SENP2: variants seen among roughly 807,000 people sequenced by gnomAD.
The protein encoded by SENP2 is SUMO specific peptidase 2.
Under a neutral mutation model 86.3 loss-of-function variants are expected in SENP2, and 16 were observed. The observed-to-expected ratio is 0.19, with a 90% CI of 0.13 to 0.28. The LOEUF (loss-of-function observed/expected upper bound fraction) is 0.28, where lower values mean the gene tolerates loss of function less well. Ranked by LOEUF, SENP2 falls within the 10% of genes least tolerant of loss-of-function variation. SENP2 has a pLI of 1.00. For synonymous variants in SENP2, 222 were observed against 238.7 expected (o/e 0.93, Z 0.64); for missense variants, 552 against 703.0 (o/e 0.79, Z 2.43).
chr3:185,616,719 A>C (rs761935782), intron 11 of SENP2, among the ~76,000 whole-genome samples: 5 of 151,130 alleles, frequency 3.3e-5, no homozygotes, highest in Middle Eastern at 6.9e-3. Flanking sequence ...AGCTTGCAGT[A>C]AGCCGAGATG....
intron 6 of SENP2, chr3:185,606,805 G>A (rs569176672): frequency 2.1e-5 from 11 of 521,372 alleles, no homozygotes; most frequent in South Asian, 6.3e-5. Flanking sequence ...GATCAAGCAT[G>A]TTGCTTATCG....
intron 13 of SENP2, among the ~76,000 whole-genome samples, chr3:185,621,386 CT>C (rs1220771289): frequency 0.018 from 1,425 of 78,782 alleles, 5 homozygotes; most frequent in African/African-American, 0.061. Flanking sequence ...TCTTTTTTTT[CT>C]TTTTTTTTTT....
chr3:185,625,685 A>G (rs1712112903), intron 15 of SENP2, among the ~76,000 whole-genome samples: 1 of 152,180 alleles, frequency 6.6e-6, no homozygotes, highest in African/African-American at 2.4e-5. Flanking sequence ...GCAAGATCCT[A>G]ATTGGTTAAA....
intron 7 of SENP2, among the ~76,000 whole-genome samples, chr3:185,610,441 C>T (rs1016080615): frequency 4.0e-5 from 6 of 151,346 alleles, no homozygotes; most frequent in East Asian, 2.0e-4. Flanking sequence ...GGATTACAGG[C>T]GTGAGCCACC....
chr3:185,629,676 G>A, intron 16 of SENP2, 106 bp from the exon 17 acceptor site: 3 of 1,100,072 alleles, frequency 2.7e-6, no homozygotes, highest in Non-Finnish European at 4.2e-6. Context: ...TCAACACTTA[G>A]AAAAAGCACA....
intron 7 of SENP2, among the ~76,000 whole-genome samples, chr3:185,610,004 G>C (rs1027431649): frequency 6.6e-6 from 1 of 152,120 alleles, no homozygotes; most frequent in Non-Finnish European, 1.5e-5. Context: ...ATTTGGCCTT[G>C]TATTTGCCTG....
At chr3:185,589,644 T>C (rs1057255757) in intron 1 of SENP2, among the ~76,000 whole-genome samples, 1 of 152,162 alleles carries the variant, frequency 6.6e-6, no homozygotes, top group African/African-American at 2.4e-5. Context: ...TAGAATAGCA[T>C]TCTCTCTTTT....
rs547342638 is a variant in SENP2 at position 185,632,755 on chromosome 3, C to G, written c.*2911C>G. ...GTCAGGCTGGTCTTAAACTCCCGAC[C>G]TCAAGTGATCTGCCCGCCTCGGCCT... On this transcript the variant is annotated 3_prime_UTR_variant, in exon 17 of 17. Coordinates refer to ENST00000296257, the MANE Select transcript of SENP2 (RefSeq NM_021627.3). 2 of 152,464 alleles carry G rather than the reference C, an allele frequency of 1.3e-5. No individual in the cohort carries two copies. Among genetic ancestry groups the G allele is most frequent in the African/African-American group, 4.8e-5 (2 of 41,524 alleles). 9.4% of individuals were successfully genotyped at this position (152,464 alleles called of 1,614,324 possible). A position where few individuals can be genotyped will look rare whatever the true frequency, so the allele number is the denominator to read the frequency against.
At chr3:185,623,749 C>T (rs1223732828) in intron 14 of SENP2, among the ~76,000 whole-genome samples, 2 of 143,138 alleles carry the variant, frequency 1.4e-5, no homozygotes, top group African/African-American at 2.6e-5. Flanking sequence ...ATGGCGTGAA[C>T]CCGGGAGGCA....
chr3:185,594,882 G>A (rs1047789919), intron 2 of SENP2, among the ~76,000 whole-genome samples: 1 of 152,118 alleles, frequency 6.6e-6, no homozygotes, highest in Admixed American at 6.5e-5. Flanking sequence ...GCCTCCCAAA[G>A]TGCAGCTAAT....
chr3:185,589,975 T>TC (rs1340545987), intron 1 of SENP2, 139 bp from the exon 2 acceptor site: 1 of 443,696 alleles, frequency 2.3e-6, no homozygotes, highest in African/African-American at 2.1e-5. Flanking sequence ...ACCAGCATTC[T>TC]CTTTTAAAAC....
rs1425396946 is a variant in SENP2, at chr3:185,629,785, C to G, written c.1711C>G (p.Gln571Glu). The G allele has an allele frequency of 1.2e-6, 2 of 1,613,998 alleles. No individual in the cohort carries two copies. Among genetic ancestry groups the G allele is most frequent in the African/African-American group, 2.7e-5 (2 of 74,902 alleles). Residue 571 changes from glutamine to glutamate, a missense_variant, in exon 17 of 17, where the codon CAG (glutamine) becomes GAG (glutamate). Physicochemically the swap from Gln to Glu is conservative, Grantham distance 29. Transcript: ENST00000296257. The part of the protein sequence containing the change: ...RDKPITFTQH[Q>E]MPLFRKKMVW... ...TTGTTTATGGGGTTCTTTGCAGCACCAGATGCCTCTCTTCCGGAAGAAGAT... is the reference window on the plus strand; with the variant it reads ...TTGTTTATGGGGTTCTTTGCAGCACGAGATGCCTCTCTTCCGGAAGAAGAT...
At position 185,614,573 on chromosome 3, in the gene SENP2, T is replaced by C. The variant is rs1485598388; in HGVS notation, c.943T>C (p.Tyr315His). Residue 315 changes from tyrosine (Y) to histidine (H), a missense_variant, in exon 11 of 17, where the codon TAC becomes CAC. Tyr to His is a moderately conservative substitution (Grantham distance 83). Transcript: ENST00000296257. ...IRFENESRRGYQLEPDLSEEV... is the reference protein window; with the variant it reads ...IRFENESRRGHQLEPDLSEEV... Reference sequence around the variant, plus strand: ...ATAATTTTTTGATCAGAGGAGGGGATACCAACTGGAGCCTGACCTATCAGA... The same window carrying C: ...ATAATTTTTTGATCAGAGGAGGGGACACCAACTGGAGCCTGACCTATCAGA... 1 of 1,611,422 alleles carries C rather than the reference T, an allele frequency of 6.2e-7. No individual in the cohort carries two copies.
At chr3:185,606,947 G>A (rs1411557475) in intron 6 of SENP2, 5 of 306,596 alleles carry the variant, frequency 1.6e-5, no homozygotes, top group Non-Finnish European at 3.2e-5. Flanking sequence ...ATTTTTGGGA[G>A]CAAATAATAT....
In SENP2 at chr3:185,630,240, T is replaced by C. The variant is rs775085841; in HGVS notation, c.*396T>C. ...AACATAATGGGCAGTGGTCATTTAC[T>C]GCTGCTCTTTTACAGTTAGCTCTAA... On this transcript the variant is annotated 3_prime_UTR_variant, in exon 17 of 17. Transcript: ENST00000296257. 5.8e-6 allele frequency: 1 copy of C among 172,640 alleles called. No homozygotes were observed. The highest frequency in any genetic ancestry group is 1.3e-5 in the Non-Finnish European group (1 of 78,758). The allele number at this position is 172,640 out of a possible 1,614,324, so 10.7% of individuals were successfully genotyped here. A position where few individuals can be genotyped will look rare whatever the true frequency, so the allele number is the denominator to read the frequency against.
intron 12 of SENP2, 91 bp from the exon 13 acceptor site, chr3:185,619,208 T>G (rs1711748582): frequency 1.1e-6 from 1 of 951,358 alleles, no homozygotes; most frequent in African/African-American, 1.6e-5. Flanking sequence ...CTTTAGTACC[T>G]TACCTTCGAA....
intron 2 of SENP2, among the ~76,000 whole-genome samples, chr3:185,593,146 TAGGA>T (rs916661009): frequency 1.2e-4 from 18 of 152,004 alleles, no homozygotes; most frequent in African/African-American, 4.1e-4. Flanking sequence ...AGGAGAGCAA[TAGGA>T]AGGAAAAATA....
intron 7 of SENP2, among the ~76,000 whole-genome samples, chr3:185,610,470 A>G (rs974475918): frequency 4.6e-5 from 7 of 152,076 alleles, no homozygotes; most frequent in African/African-American, 1.7e-4. Context: ...CCTACTATCT[A>G]GCTTTTGAAT....
At chr3:185,621,386 C>CTTTTTTTTTTTTTT (rs1220771289) in intron 13 of SENP2, among the ~76,000 whole-genome samples, 19 of 78,768 alleles carry the variant, frequency 2.4e-4, no homozygotes, top group Non-Finnish European at 3.2e-4. Flanking sequence ...TCTTTTTTTT[C>CTTTTTTTTTTTTTT]TTTTTTTTTT....
Sources: gnomAD v4.1 joint callset for allele counts (sites outside exome capture counted in the v4.1 genomes callset) on GRCh38, gnomAD v4.1.1 for gene constraint, MANE v1.5 for transcripts, NCBI Gene and HGNC (gene_info 2026-07-23, HGNC 2026-07-21) for gene names.